The following CAMTA1 variants were observed in gnomAD, a reference collection of about 807,000 sequenced individuals.
The protein encoded by CAMTA1 is calmodulin binding transcription activator 1.
CAMTA1 carries 27 observed loss-of-function variants against 170.9 expected under a neutral mutation model. The ratio of observed to expected loss-of-function variants is 0.16; its 90% confidence interval spans 0.12 to 0.22. The LOEUF is 0.22. Ranked by LOEUF, CAMTA1 falls within the 10% of genes least tolerant of loss-of-function variation. CAMTA1 has a pLI of 1.00. For synonymous variants in CAMTA1, 833 were observed against 891.5 expected, an observed-to-expected ratio of 0.93 and a Z score of 1.17; for missense variants, 1,619 against 2,217.2, an observed-to-expected ratio of 0.73 and a Z score of 5.42.
intron 4 of CAMTA1, among the ~76,000 whole-genome samples, chr1:7,169,414 A>G (rs1368619465): frequency 6.6e-6 from 1 of 152,202 alleles, no homozygotes; most frequent in African/African-American, 2.4e-5. Context: ...ATTTTTATCT[A>G]CTGCTTCTTT....
chr1:7,075,231 C>T (rs1364408247), intron 3 of CAMTA1, among the ~76,000 whole-genome samples: 2 of 152,050 alleles, frequency 1.3e-5, no homozygotes, highest in African/African-American at 4.8e-5. Context: ...GAAACTGGGC[C>T]CTAGAGCAAT....
chr1:7,214,772 T>G lies in CAMTA1; in HGVS notation c.303-34719T>G, dbSNP rs868117777. On this transcript the variant is annotated intron_variant, in intron 4 of 22. Coordinates refer to ENST00000303635, the MANE Select transcript of CAMTA1 (RefSeq NM_015215.4). ...CTTTGCCTAGTCCTAGTTCCCAAATTTTCTCCTATGTTTTAAGCCCATTGT... is the reference window on the plus strand; with the variant it reads ...CTTTGCCTAGTCCTAGTTCCCAAATGTTCTCCTATGTTTTAAGCCCATTGT... Among the ~76,000 whole-genome samples the G allele has an allele frequency of 5.3e-5, 8 of 152,316 alleles. No homozygotes were observed. The South Asian group carries it at 1.7e-3, about 32-fold the overall frequency.
Position 7,491,167 on chromosome 1 carries a change from C to A in CAMTA1, c.510+23266C>A, listed in dbSNP as rs114246137. Among the ~76,000 whole-genome samples, 672 of 152,222 alleles carry A rather than the reference C, an allele frequency of 4.4e-3. 8 individuals are homozygous for A. The highest frequency in any genetic ancestry group is 0.015 in the African/African-American group (641 of 41,528). On this transcript the variant is annotated intron_variant, in intron 6 of 22. Coordinates refer to ENST00000303635, the MANE Select transcript of CAMTA1 (RefSeq NM_015215.4). ...TGATGGTGTTTGGGCTGTACAGCAC[C>A]CTGAGAGACCACCCCCGGCCTCCAT...
At chr1:7,524,376 T>G (rs1284462623) in intron 6 of CAMTA1, among the ~76,000 whole-genome samples, 1 of 152,220 alleles carries the variant, frequency 6.6e-6, no homozygotes, top group Non-Finnish European at 1.5e-5. Flanking sequence ...GTTCTAGATT[T>G]TTTTTGTAGA....
At chr1:7,163,453 C>T (rs867023411) in intron 4 of CAMTA1, among the ~76,000 whole-genome samples, 5 of 152,138 alleles carry the variant, frequency 3.3e-5, no homozygotes, top group Admixed American at 2.0e-4. Context: ...GCAGGCAGCA[C>T]GGCCAGGAGT....
chr1:7,360,481 G>A (rs963834622), intron 5 of CAMTA1, among the ~76,000 whole-genome samples: 2 of 152,214 alleles, frequency 1.3e-5, no homozygotes, highest in Non-Finnish European at 2.9e-5. Context: ...TTGATCAAGT[G>A]GCTTAACTTC....
At chr1:7,111,626 C>G (rs2097514) in intron 4 of CAMTA1, among the ~76,000 whole-genome samples, 75,480 of 151,874 alleles carry the variant, frequency 0.5, 19,019 homozygotes, top group Middle Eastern at 0.55. Context: ...TGGTTCACAC[C>G]TGTAATCCCA....
chr1:7,193,036 G>A (rs141012263), intron 4 of CAMTA1, among the ~76,000 whole-genome samples: 5 of 152,178 alleles, frequency 3.3e-5, no homozygotes, highest in Middle Eastern at 6.8e-3. Context: ...GGAGACCAGC[G>A]TCTTCTGCTG....
chr1:7,469,699 ACG>A (rs2093293035), intron 6 of CAMTA1, among the ~76,000 whole-genome samples: 1 of 152,062 alleles, frequency 6.6e-6, no homozygotes, highest in East Asian at 2.0e-4. Flanking sequence ...TCCTGCACCC[ACG>A]CCTCCGCCTG....
intron 5 of CAMTA1, among the ~76,000 whole-genome samples, chr1:7,381,257 A>G (rs1024898173): frequency 1.3e-5 from 2 of 149,550 alleles, no homozygotes; most frequent in Non-Finnish European, 3.0e-5. Flanking sequence ...GCACCCACTA[A>G]CTCGTCATCT....
At position 7,609,870 on chromosome 1, in the gene CAMTA1, C is replaced by T. The variant is rs112978995; in HGVS notation, c.511-30530C>T. ...CGGGTAGAGTCCAAACATGGAAGCT[C>T]GGATTATTATGTACTGCTCTTACTT... On this transcript the variant is annotated intron_variant, in intron 6 of 22. Coordinates refer to ENST00000303635, the MANE Select transcript of CAMTA1 (RefSeq NM_015215.4). This position sits in a 1 kb window ranked among gnomAD's most constrained non-coding sequence, Gnocchi z 4.4. Among the ~76,000 whole-genome samples, 685 of 152,264 alleles carry T rather than the reference C, an allele frequency of 4.5e-3. 7 individuals carry two copies. The highest frequency in any genetic ancestry group is 0.016 in the African/African-American group (662 of 41,546).
intron 5 of CAMTA1, among the ~76,000 whole-genome samples, chr1:7,331,335 C>A (rs2083023862): frequency 6.6e-6 from 1 of 152,180 alleles, no homozygotes; most frequent in South Asian, 2.1e-4. Flanking sequence ...GGCCAGGTAC[C>A]CCTGAGGGCA....
rs566343975 is a variant in CAMTA1 at position 7,293,783 on chromosome 1, G to C, written c.438+44157G>C. 1.3e-5 allele frequency among the ~76,000 whole-genome samples: 2 copies of C among 152,310 alleles called. No homozygotes were observed. The highest frequency in any genetic ancestry group is 4.8e-5 in the African/African-American group (2 of 41,572). On this transcript the variant is annotated intron_variant, in intron 5 of 22. Transcript: ENST00000303635. The surrounding 1 kb of genome is among the most constrained non-coding windows in gnomAD (Gnocchi z 4.1). Reference sequence around the variant, plus strand: ...GGTTCTTGTAATGTTGCTGCCTCCCGATGGCTGCCCAGGGTTTCCAGCTCT... The same window carrying C: ...GGTTCTTGTAATGTTGCTGCCTCCCCATGGCTGCCCAGGGTTTCCAGCTCT...
intron 6 of CAMTA1, among the ~76,000 whole-genome samples, chr1:7,625,043 G>A (rs2095623887): frequency 6.6e-6 from 1 of 152,200 alleles, no homozygotes; most frequent in Admixed American, 6.5e-5. Context: ...AGAGGGGTGA[G>A]AAGGGTGCAT....
intron 5 of CAMTA1, among the ~76,000 whole-genome samples, chr1:7,386,455 G>A (rs1256878207): frequency 6.6e-6 from 1 of 152,192 alleles, no homozygotes; most frequent in Non-Finnish European, 1.5e-5. Context: ...CCTTGCCAAG[G>A]GGCTGGGTTT....
intron 5 of CAMTA1, among the ~76,000 whole-genome samples, chr1:7,365,417 C>T (rs1557595693): frequency 6.6e-6 from 1 of 152,186 alleles, no homozygotes; most frequent in Non-Finnish European, 1.5e-5. Context: ...GAATTCCTCT[C>T]TCCTGTTCTG....
At chr1:7,490,793 G>C (rs945083268) in intron 6 of CAMTA1, among the ~76,000 whole-genome samples, 2 of 152,222 alleles carry the variant, frequency 1.3e-5, no homozygotes, top group African/African-American at 4.8e-5. Context: ...TGACTGGGTT[G>C]TCAGGCCGAG....
rs193151553 is a variant in CAMTA1 at position 7,574,430 on chromosome 1, G to A, written c.511-65970G>A. Among the ~76,000 whole-genome samples, 930 of 152,310 alleles carry A rather than the reference G, an allele frequency of 6.1e-3. 11 individuals carry two copies. Among genetic ancestry groups the A allele is most frequent in the African/African-American group, 0.022 (902 of 41,572 alleles). ...TTGGGGAACACGTGGCACCTCGTTT[G>A]CACAGCCCAGGATGTGCAGGGATGC... On this transcript the variant is annotated intron_variant, in intron 6 of 22. Transcript: ENST00000303635.
intron 3 of CAMTA1, among the ~76,000 whole-genome samples, chr1:7,016,899 C>A (rs35533782): frequency 6.6e-6 from 1 of 152,046 alleles, no homozygotes; most frequent in South Asian, 2.1e-4. Context: ...TGTTAGTAGC[C>A]GAGACAGGAG....
Sources: allele counts gnomAD v4.1 joint callset (sites outside exome capture counted in the v4.1 genomes callset), GRCh38; gene constraint gnomAD v4.1.1; non-coding constraint Gnocchi (gnomAD v3.1); transcripts MANE v1.5; gene names NCBI Gene and HGNC (gene_info 2026-07-23, HGNC 2026-07-21).